ATP11B: variants seen among roughly 807,000 people sequenced by gnomAD.
ATP11B encodes phospholipid-transporting ATPase IF.
A neutral mutation model predicts 157.8 loss-of-function variants in ATP11B; 81 were observed. The ratio of observed to expected loss-of-function variants is 0.51; its 90% CI spans 0.43 to 0.62. The LOEUF is 0.62. Among genes scored for constraint, ATP11B ranks in the 20% least tolerant of loss-of-function variants. ATP11B has a pLI of 0.00. For missense variants in ATP11B, 1,165 were observed against 1,402.2 expected, an observed-to-expected ratio of 0.83 and a Z score of 2.70; for synonymous variants, 451 against 469.4, an observed-to-expected ratio of 0.96 and a Z score of 0.51.
At chr3:182,804,183 A>G (rs904599016) in intron 1 of ATP11B, among the ~76,000 whole-genome samples, 3 of 152,072 alleles carry the variant, frequency 2.0e-5, no homozygotes, top group Admixed American at 6.5e-5. Context: ...AGTTATGCCT[A>G]TAGTCATTGA....
intron 12 of ATP11B, among the ~76,000 whole-genome samples, chr3:182,862,740 C>T (rs149679507): frequency 9.4e-4 from 143 of 152,068 alleles, no homozygotes; most frequent in Middle Eastern, 6.9e-3. Flanking sequence ...ACTCATTCAT[C>T]TCCTTTTCCA....
At chr3:182,886,515 A>G (rs116579819) in intron 23 of ATP11B, among the ~76,000 whole-genome samples, 2,010 of 152,238 alleles carry the variant, frequency 0.013, 45 homozygotes, top group African/African-American at 0.047. Flanking sequence ...CAGAGGGAAA[A>G]TGTAATTTGT....
chr3:182,872,249 T>C, intron 17 of ATP11B, 107 bp from the exon 18 acceptor site: 1 of 737,540 alleles, frequency 1.4e-6, no homozygotes. Context: ...TGATTTGTGA[T>C]TGACTTTTGG....
chr3:182,841,000 A>T (rs576630508), intron 7 of ATP11B, among the ~76,000 whole-genome samples: 1 of 151,186 alleles, frequency 6.6e-6, no homozygotes, highest in Non-Finnish European at 1.5e-5. Context: ...CCCATCCCCA[A>T]CCTTTCTTCT....
At chr3:182,865,984 A>C (rs1472485695) in intron 13 of ATP11B, among the ~76,000 whole-genome samples, 1 of 152,204 alleles carries the variant, frequency 6.6e-6, no homozygotes, top group Non-Finnish European at 1.5e-5. Context: ...TCTTTGAAAA[A>C]TAGAGCTTAA....
intron 4 of ATP11B, among the ~76,000 whole-genome samples, chr3:182,832,794 A>G (rs963802943): frequency 1.3e-5 from 2 of 152,190 alleles, no homozygotes; most frequent in Non-Finnish European, 2.9e-5. Context: ...TCTAAAACCT[A>G]TGAAATAGGA....
rs1725350929 is a variant in ATP11B at position 182,919,754 on chromosome 3, ATTTT to A, written c.*1651_*1654del. 6.6e-6 allele frequency: 1 copy of A among 152,126 alleles called. No homozygotes were observed. Among genetic ancestry groups the A allele is most frequent in the African/African-American group, 2.4e-5 (1 of 41,438 alleles). The allele number at this position is 152,126 out of a possible 1,614,324, so 9.4% of individuals were successfully genotyped here. A position where few individuals can be genotyped will look rare whatever the true frequency, so the allele number is the denominator to read the frequency against. ...TATCCTTGTTTGCTTGTAAACTATT[ATTTT>A]CTTGCTAATGTAACATTTGTCTGTT... On this transcript the variant is annotated 3_prime_UTR_variant, in exon 30 of 30. Coordinates refer to ENST00000323116, the MANE Select transcript of ATP11B (RefSeq NM_014616.3).
At chr3:182,807,846 C>T (rs1272353770) in intron 1 of ATP11B, among the ~76,000 whole-genome samples, 1 of 151,906 alleles carries the variant, frequency 6.6e-6, no homozygotes, top group East Asian at 1.9e-4. Flanking sequence ...AGGGGAGGGG[C>T]GTGGTTTTCT....
chr3:182,835,881 A>C (rs978969005), intron 4 of ATP11B, among the ~76,000 whole-genome samples, 154 bp from the exon 5 acceptor site: 7 of 152,204 alleles, frequency 4.6e-5, no homozygotes, highest in Non-Finnish European at 8.8e-5. Flanking sequence ...AGTAGGAACA[A>C]ATATCAGATA....
chr3:182,810,325 C>T (rs1410435343), intron 1 of ATP11B, among the ~76,000 whole-genome samples: 2 of 152,090 alleles, frequency 1.3e-5, no homozygotes, highest in African/African-American at 2.4e-5. Context: ...GAGCAAGACT[C>T]CACCTCAAAA....
At chr3:182,800,888 C>T (rs1233294699) in intron 1 of ATP11B, among the ~76,000 whole-genome samples, 3 of 149,026 alleles carry the variant, frequency 2.0e-5, no homozygotes, top group South Asian at 2.2e-4. Context: ...CCCCCAGCCC[C>T]GCCCAGATTC....
At chr3:182,865,843 T>G in intron 13 of ATP11B, 145 bp downstream of exon 13, 1 of 688,074 alleles carries the variant, frequency 1.5e-6, no homozygotes, top group Admixed American at 3.1e-5. Context: ...CAATATAAAA[T>G]ATAATCCTAA....
At chr3:182,854,556 G>A (rs1720225461) in intron 10 of ATP11B, among the ~76,000 whole-genome samples, 2 of 152,088 alleles carry the variant, frequency 1.3e-5, no homozygotes, top group African/African-American at 4.8e-5. Flanking sequence ...AGTAGGTAAA[G>A]ATTTCTTAGG....
chr3:182,913,960 G>A lies in ATP11B; in HGVS notation c.3418G>A (p.Val1140Ile). 8.7e-6 allele frequency: 14 copies of A among 1,614,096 alleles called. No homozygotes were observed. The highest frequency in any genetic ancestry group is 1.7e-5 in the Admixed American group (1 of 60,022). Residue 1140 changes from valine to isoleucine, a missense_variant, in exon 29 of 30, where the codon GTT (valine) becomes ATT (isoleucine). Transcript: ENST00000323116. ...CASVGRMLERVIGRCSPTHIS... is the reference protein window; with the variant it reads ...CASVGRMLERIIGRCSPTHIS... ...ATCTGTTGGAAGAATGCTGGAACGA[G>A]TTATAGGAAGATGTAGTCCAACCCA...
intron 4 of ATP11B, among the ~76,000 whole-genome samples, chr3:182,832,143 T>C (rs1051254537): frequency 6.6e-6 from 1 of 152,122 alleles, no homozygotes; most frequent in African/African-American, 2.4e-5. Context: ...AGTAAGAGTT[T>C]AATATAATCA....
chr3:182,801,989 G>A (rs1217824798), intron 1 of ATP11B, among the ~76,000 whole-genome samples: 1 of 152,126 alleles, frequency 6.6e-6, no homozygotes, highest in Non-Finnish European at 1.5e-5. Flanking sequence ...ATCAAAGAAA[G>A]ACACATGAAT....
intron 28 of ATP11B, among the ~76,000 whole-genome samples, chr3:182,903,400 A>C (rs1351943666): frequency 6.6e-6 from 1 of 151,942 alleles, no homozygotes. Flanking sequence ...ATTCTGTTTT[A>C]TTCTCAAGGT....
chr3:182,912,873 A>G (rs1724888734), intron 28 of ATP11B, among the ~76,000 whole-genome samples: 1 of 152,108 alleles, frequency 6.6e-6, no homozygotes, highest in Admixed American at 6.5e-5. Flanking sequence ...AGGATGTTAT[A>G]TATGTAAAAG....
intron 28 of ATP11B, among the ~76,000 whole-genome samples, chr3:182,911,027 C>T (rs1182997967): frequency 6.6e-6 from 1 of 152,154 alleles, no homozygotes; most frequent in Non-Finnish European, 1.5e-5. Flanking sequence ...TTTCTAAGCT[C>T]TTATTCTCAC....
Sources: allele counts gnomAD v4.1 joint callset (sites outside exome capture counted in the v4.1 genomes callset), GRCh38; gene constraint gnomAD v4.1.1; transcripts MANE v1.5; gene names NCBI Gene and HGNC (gene_info 2026-07-23, HGNC 2026-07-21).